YARS1: variants seen among roughly 807,000 people sequenced by gnomAD.
The protein encoded by YARS1 is tyrosyl-tRNA synthetase 1.
In YARS1, 36 loss-of-function variants were observed where a neutral mutation model predicts 62.2. The ratio of observed to expected loss-of-function variants is 0.58; its 90% CI spans 0.44 to 0.76. YARS1 has a LOEUF of 0.76. YARS1 is among the 30% of genes least tolerant of loss of function. The probability of loss-of-function intolerance (pLI) is 0.00; values close to 1 mark genes in which losing one functional copy is unlikely to be tolerated. For synonymous variants in YARS1, 234 were observed against 244.9 expected (o/e 0.96, Z 0.42); for missense variants, 524 against 639.8 (o/e 0.82, Z 1.95).
At chr1:32,802,568 T>C (rs1309263544) in intron 4 of YARS1, among the ~76,000 whole-genome samples, 2 of 152,202 alleles carry the variant, frequency 1.3e-5, no homozygotes, top group Non-Finnish European at 2.9e-5. Context: ...AGAATGGATG[T>C]TGTGTTAGCA....
At chr1:32,794,161 C>T (rs1653498661) in intron 5 of YARS1, among the ~76,000 whole-genome samples, 2 of 152,068 alleles carry the variant, frequency 1.3e-5, no homozygotes, top group South Asian at 4.1e-4. Context: ...ACCAGCCTGG[C>T]CAACATGGTG....
At chr1:32,787,174 G>C in intron 6 of YARS1, 99 bp from the exon 7 acceptor site, 1 of 1,440,244 alleles carries the variant, frequency 6.9e-7, no homozygotes, top group Non-Finnish European at 9.4e-7. Context: ...CTGTCACCCA[G>C]GCTGGAGTGC....
intron 3 of YARS1, among the ~76,000 whole-genome samples, chr1:32,807,159 C>T (rs1157781153): frequency 1.3e-5 from 2 of 152,348 alleles, no homozygotes; most frequent in East Asian, 3.9e-4. Context: ...CCTGCATTCT[C>T]ACCACTCCTG....
At chr1:32,782,195 C>T (rs1011934855) in intron 9 of YARS1, 19 of 707,358 alleles carry the variant, frequency 2.7e-5, no homozygotes, top group East Asian at 1.4e-4. Flanking sequence ...TCAGCAATGC[C>T]GGTACAAAAG....
chr1:32,778,870 C>G (rs1240839838), intron 12 of YARS1, among the ~76,000 whole-genome samples: 3 of 151,550 alleles, frequency 2.0e-5, no homozygotes, highest in Non-Finnish European at 4.4e-5. Context: ...TCCGGAGTAG[C>G]TGGGATTACA....
intron 4 of YARS1, among the ~76,000 whole-genome samples, chr1:32,799,514 A>G (rs1164377821): frequency 6.6e-6 from 1 of 152,228 alleles, no homozygotes; most frequent in Non-Finnish European, 1.5e-5. Context: ...GCAAGAATGA[A>G]TTTAAGACAT....
At chr1:32,801,224 C>G (rs1417063257) in intron 4 of YARS1, among the ~76,000 whole-genome samples, 1 of 151,948 alleles carries the variant, frequency 6.6e-6, no homozygotes, top group Non-Finnish European at 1.5e-5. Context: ...ATATATTTAA[C>G]TGGTGCCAGG....
In YARS1 at chr1:32,791,224, C is replaced by G. The variant is rs756950806; in HGVS notation, c.622G>C (p.Val208Leu). Reference protein sequence around the residue: ...YLPALGYSKRVHLMNPMVPGL... With the variant: ...YLPALGYSKRLHLMNPMVPGL... ...GGAACCATAGGATTCATCAGATGGA[C>G]CCGTTTTGAATAGCCAAGTGCAGGG... Residue 208 changes from valine to leucine, a missense_variant, in exon 6 of 13, where the codon GTC (valine) becomes CTC (leucine). Physicochemically the swap from Val to Leu is conservative, Grantham distance 32 (BLOSUM62 1). Transcript: ENST00000373477. 3.7e-6 allele frequency: 6 copies of G among 1,614,080 alleles called. No individual in the cohort carries two copies. The highest frequency in any genetic ancestry group is 5.1e-6 in the Non-Finnish European group (6 of 1,180,002).
intron 1 of YARS1, among the ~76,000 whole-genome samples, chr1:32,811,808 C>T (rs1267555601): frequency 1.3e-5 from 2 of 151,454 alleles, no homozygotes; most frequent in Non-Finnish European, 2.9e-5. Flanking sequence ...TAGTATCACC[C>T]TTGATGTTGG....
Position 32,775,809 on chromosome 1 carries a change from T to C in YARS1, c.*172A>G. 1 of 656,222 alleles carries C rather than the reference T, an allele frequency of 1.5e-6. No homozygotes were observed. The highest frequency in any genetic ancestry group is 2.7e-6 in the Non-Finnish European group (1 of 367,704). The allele number at this position is 656,222 out of a possible 1,614,324, so 40.6% of individuals were successfully genotyped here. A position where few individuals can be genotyped will look rare whatever the true frequency, so the allele number is the denominator to read the frequency against. On this transcript the variant is annotated 3_prime_UTR_variant, in exon 13 of 13. Coordinates refer to ENST00000373477, the MANE Select transcript of YARS1 (RefSeq NM_003680.4). ...CTCTCACTGCAGCCAGACAGGATGATCCTGGGTTCTGGGGAGGGTAAGCTG... is the reference window on the plus strand; with the variant it reads ...CTCTCACTGCAGCCAGACAGGATGACCCTGGGTTCTGGGGAGGGTAAGCTG...
chr1:32,801,514 G>T lies in YARS1; in HGVS notation c.511-3671C>A, dbSNP rs559963499. Among the ~76,000 whole-genome samples the T allele has an allele frequency of 6.1e-4, 93 of 152,312 alleles. 1 individual carries two copies. Among genetic ancestry groups the T allele is most frequent in the Middle Eastern group, 3.4e-3 (1 of 294 alleles). On this transcript the variant is annotated intron_variant, in intron 4 of 12. Transcript: ENST00000373477. ...TGCTGGTGGAGGGTCTTGCCTCCAT[G>T]TCTGATGGCTGCTGACTGATCAGGG...
chr1:32,814,593 T>C (rs182315375), intron 1 of YARS1, among the ~76,000 whole-genome samples: 109 of 152,324 alleles, frequency 7.2e-4, no homozygotes, highest in African/African-American at 2.5e-3. Context: ...TTTCACTATG[T>C]TGGCCAGGCT....
At position 32,779,520 on chromosome 1, in the gene YARS1, T is replaced by C; in HGVS notation, c.1338A>G (p.Glu446=). 1 of 1,614,192 alleles carries C rather than the reference T, an allele frequency of 6.2e-7. No individual in the cohort carries two copies. Among genetic ancestry groups the C allele is most frequent in the Non-Finnish European group, 8.5e-7 (1 of 1,180,038 alleles). The part of the protein sequence containing the change: ...SQGMLLCASI[E]GINRQVEPLD... ...GAGGTTCAACCTGGCGGTTTATCCC[T>C]TCTCTGGGAAGACACAGGACAAGAG... The change falls in exon 12 of 13, where the codon GAA becomes GAG. Residue 446 remains glutamate (E), a synonymous_variant. Transcript: ENST00000373477.
chr1:32,795,854 T>A (rs566991086), intron 5 of YARS1, among the ~76,000 whole-genome samples: 1 of 152,074 alleles, frequency 6.6e-6, no homozygotes, highest in African/African-American at 2.4e-5. Flanking sequence ...ATATGCTCTT[T>A]ACTGCTTATT....
chr1:32,810,362 G>A (rs1401555627), intron 3 of YARS1, among the ~76,000 whole-genome samples: 1 of 152,174 alleles, frequency 6.6e-6, no homozygotes, highest in African/African-American at 2.4e-5. Flanking sequence ...TTTTGGTTAC[G>A]TTTATATTTC....
rs779567178 is a variant in YARS1, at chr1:32,786,460, G to T, written c.821-13C>A. The T allele has an allele frequency of 1.9e-6, 3 of 1,611,364 alleles. No individual in the cohort carries two copies. The highest frequency in any genetic ancestry group is 2.2e-5 in the East Asian group (1 of 44,852). On this transcript the variant is annotated splice_polypyrimidine_tract_variant and intron_variant, in intron 7 of 12. Coordinates refer to ENST00000373477, the MANE Select transcript of YARS1 (RefSeq NM_003680.4). Reference sequence around the variant, plus strand: ...AGGATCACAAACTCTATAAGGAAAAGGATCCATGTCAACAAACTCATTGAC... The same window carrying T: ...AGGATCACAAACTCTATAAGGAAAATGATCCATGTCAACAAACTCATTGAC...
intron 4 of YARS1, among the ~76,000 whole-genome samples, chr1:32,800,986 G>A (rs764665331): frequency 6.6e-6 from 1 of 152,082 alleles, no homozygotes; most frequent in Non-Finnish European, 1.5e-5. Context: ...ATAGGATCAT[G>A]CTCAAATTTA....
intron 4 of YARS1, among the ~76,000 whole-genome samples, chr1:32,801,124 G>C (rs1025356986): frequency 9.9e-5 from 15 of 152,166 alleles, no homozygotes; most frequent in African/African-American, 3.6e-4. Context: ...GAATTATAAT[G>C]GAAGAAGTAA....
At chr1:32,786,599 G>C in intron 7 of YARS1, 152 bp from the exon 8 acceptor site, 1 of 828,970 alleles carries the variant, frequency 1.2e-6, no homozygotes. Context: ...TTGGATGAGT[G>C]GCACTATTGT....
Sources: gnomAD v4.1 joint callset for allele counts (sites outside exome capture counted in the v4.1 genomes callset) on GRCh38, gnomAD v4.1.1 for gene constraint, MANE v1.5 for transcripts, NCBI Gene and HGNC (gene_info 2026-07-23, HGNC 2026-07-21) for gene names.